The following KCNQ1OT1 variants were observed in gnomAD, a reference collection of about 807,000 sequenced individuals.
The protein encoded by KCNQ1OT1 is KCNQ1 opposite strand/antisense transcript 1.
At chr11:2,629,948 C>G in exon 1 of KCNQ1OT1, 1 of 398,384 alleles carries the variant, frequency 2.5e-6, no homozygotes, top group Non-Finnish European at 4.4e-6. Context: ...GCTAGGACTT[C>G]CAGTACTGTG....
At chr11:2,665,020 T>C in exon 1 of KCNQ1OT1, 1 of 396,992 alleles carries the variant, frequency 2.5e-6, no homozygotes, top group Non-Finnish European at 4.4e-6. Context: ...TAGCCAGAGG[T>C]GGGGTGGGGG....
At chr11:2,672,355 G>A (rs78152201) in exon 1 of KCNQ1OT1, 4,700 of 398,608 alleles carry the variant, frequency 0.012, 180 homozygotes, top group African/African-American at 0.088. Flanking sequence ...AGTGTGGTGG[G>A]GCAGCCTTCA....
chr11:2,651,286 A>G lies in KCNQ1OT1; in HGVS notation n.48709T>C, dbSNP rs1473094807. 2.5e-6 allele frequency: 1 copy of G among 398,692 alleles called. No individual in the cohort carries two copies. The highest frequency in any genetic ancestry group is 4.4e-6 in the Non-Finnish European group (1 of 226,108). 24.7% of individuals were successfully genotyped at this position (398,692 alleles called of 1,614,324 possible). A position where few individuals can be genotyped will look rare whatever the true frequency, so the allele number is the denominator to read the frequency against. ...TGGTCACTTATTGAGAAAGAGCTTC[A>G]TGGTGGGCAGCTGGGAAGCTGCACA... On this transcript the variant is annotated non_coding_transcript_exon_variant, in exon 1 of 1. Coordinates refer to ENST00000597346, the Ensembl canonical transcript of KCNQ1OT1. This position sits in a 1 kb window ranked among gnomAD's most constrained non-coding sequence, Gnocchi z 6.1.
At position 2,626,432 on chromosome 11, in the gene KCNQ1OT1, CA is replaced by C. The variant is rs1401798031; in HGVS notation, n.73562del. On this transcript the variant is annotated non_coding_transcript_exon_variant, in exon 1 of 1. Coordinates refer to ENST00000597346, the Ensembl canonical transcript of KCNQ1OT1. The surrounding 1 kb of genome is among the most constrained non-coding windows in gnomAD (Gnocchi z 4.0). Reference sequence around the variant, plus strand: ...CTCAGGAATCATTTGATCATGTATACAAGGGTTTATTTTTGGGCTCTCTATT... The same window carrying C: ...CTCAGGAATCATTTGATCATGTATACAGGGTTTATTTTTGGGCTCTCTATT... 2.5e-6 allele frequency: 1 copy of C among 398,480 alleles called. No homozygotes were observed. The highest frequency in any genetic ancestry group is 2.1e-5 in the African/African-American group (1 of 48,618). The allele number at this position is 398,480 out of a possible 1,614,324, so 24.7% of individuals were successfully genotyped here.
chr11:2,655,323 A>G, exon 1 of KCNQ1OT1: 1 of 398,592 alleles, frequency 2.5e-6, no homozygotes, highest in East Asian at 3.6e-5. Flanking sequence ...GGCCTTGACA[A>G]AGCAAAGGCA....
At chr11:2,640,264 T>C (rs1849552630) in exon 1 of KCNQ1OT1, 2 of 397,444 alleles carry the variant, frequency 5.0e-6, no homozygotes, top group East Asian at 3.6e-5. Context: ...ACTACCTCAG[T>C]TGGAAATGCA....
In KCNQ1OT1 at chr11:2,664,673, G is replaced by A; in HGVS notation, n.35322C>T. On this transcript the variant is annotated non_coding_transcript_exon_variant, in exon 1 of 1. Coordinates refer to ENST00000597346, the Ensembl canonical transcript of KCNQ1OT1. The surrounding 1 kb of genome is among the most constrained non-coding windows in gnomAD (Gnocchi z 5.1). The stretch of plus-strand genomic sequence containing the variant: ...CTCAGGGATGCAGCGAAGCTCCTGT[G>A]GGCAGCCTGGCCCCATGGACCCTGA... 2.5e-6 allele frequency: 1 copy of A among 398,800 alleles called. No homozygotes were observed. The highest frequency in any genetic ancestry group is 4.4e-6 in the Non-Finnish European group (1 of 226,228). The allele number at this position is 398,800 out of a possible 1,614,324, so 24.7% of individuals were successfully genotyped here.
exon 1 of KCNQ1OT1, chr11:2,614,437 C>CT (rs1440133353): frequency 2.5e-6 from 1 of 398,210 alleles, no homozygotes; most frequent in Non-Finnish European, 4.4e-6. Context: ...TTTTTTGTGT[C>CT]TTTTCTAAGA....
In KCNQ1OT1 at chr11:2,624,599, C is replaced by A. The variant is rs1376438399; in HGVS notation, n.75396G>T. Reference sequence around the variant, plus strand: ...AAAATACACTTAACATAAAAATTACCATCCTAACCAATTTTAGTGTACAAT... The same window carrying A: ...AAAATACACTTAACATAAAAATTACAATCCTAACCAATTTTAGTGTACAAT... On this transcript the variant is annotated non_coding_transcript_exon_variant, in exon 1 of 1. Coordinates refer to ENST00000597346, the Ensembl canonical transcript of KCNQ1OT1. The surrounding 1 kb of genome is among the most constrained non-coding windows in gnomAD (Gnocchi z 4.9). 1 of 398,186 alleles carries A rather than the reference C, an allele frequency of 2.5e-6. No individual in the cohort carries two copies. Among genetic ancestry groups the A allele is most frequent in the Non-Finnish European group, 4.4e-6 (1 of 226,012 alleles). 24.7% of individuals were successfully genotyped at this position (398,186 alleles called of 1,614,324 possible). A position where few individuals can be genotyped will look rare whatever the true frequency, so the allele number is the denominator to read the frequency against.
At chr11:2,675,589 A>G (rs1483046145) in exon 1 of KCNQ1OT1, 3 of 398,502 alleles carry the variant, frequency 7.5e-6, no homozygotes, top group African/African-American at 6.2e-5. Flanking sequence ...TTCCTAGGAG[A>G]TCCCAATTGC....
At position 2,627,104 on chromosome 11, in the gene KCNQ1OT1, T is replaced by G; in HGVS notation, n.72891A>C. ...CTACTTTAATTTCTTTCAGCATTGTTTTGTAATTTTCATTGTACAAGACTT... is the reference window on the plus strand; with the variant it reads ...CTACTTTAATTTCTTTCAGCATTGTGTTGTAATTTTCATTGTACAAGACTT... On this transcript the variant is annotated non_coding_transcript_exon_variant, in exon 1 of 1. Coordinates refer to ENST00000597346, the Ensembl canonical transcript of KCNQ1OT1. This position sits in a 1 kb window ranked among gnomAD's most constrained non-coding sequence, Gnocchi z 4.9. The G allele has an allele frequency of 2.5e-6, 1 of 398,584 alleles. No homozygotes were observed. Among genetic ancestry groups the G allele is most frequent in the Non-Finnish European group, 4.4e-6 (1 of 226,050 alleles). The allele number at this position is 398,584 out of a possible 1,614,324, so 24.7% of individuals were successfully genotyped here.
chr11:2,631,770 C>T (rs1849356403), exon 1 of KCNQ1OT1: 1 of 398,590 alleles, frequency 2.5e-6, no homozygotes, highest in Non-Finnish European at 4.4e-6. Flanking sequence ...CAGCTGAGGT[C>T]AGCAGTGGCA....
At position 2,664,402 on chromosome 11, in the gene KCNQ1OT1, G is replaced by A. The variant is rs1300948764; in HGVS notation, n.35593C>T. ...TCCCTCCAGAGAGGCCTGAAGGGGA[G>A]AGTGGGCACGTACAGTGTCAGGGCC... is the stretch of plus-strand genomic sequence containing the variant. On this transcript the variant is annotated non_coding_transcript_exon_variant, in exon 1 of 1. Transcript: ENST00000597346. The surrounding 1 kb of genome is among the most constrained non-coding windows in gnomAD (Gnocchi z 5.1). The A allele has an allele frequency of 1.0e-5, 4 of 398,762 alleles. No homozygotes were observed. Among genetic ancestry groups the A allele is most frequent in the Non-Finnish European group, 1.8e-5 (4 of 226,154 alleles). The allele number at this position is 398,762 out of a possible 1,614,324, so 24.7% of individuals were successfully genotyped here. A position where few individuals can be genotyped will look rare whatever the true frequency, so the allele number is the denominator to read the frequency against.
exon 1 of KCNQ1OT1, chr11:2,699,325 C>T (rs929406776): frequency 1.5e-5 from 6 of 399,232 alleles, no homozygotes; most frequent in Admixed American, 8.8e-5. Context: ...GCACACAGCT[C>T]ACCTCAGCAA....
At chr11:2,622,457 G>T (rs1485481052) in exon 1 of KCNQ1OT1, 1 of 398,246 alleles carries the variant, frequency 2.5e-6, no homozygotes, top group Non-Finnish European at 4.4e-6. Flanking sequence ...AAGTGAGTTT[G>T]TTATATACAG....
exon 1 of KCNQ1OT1, chr11:2,641,816 T>C (rs1329826437): frequency 1.0e-5 from 4 of 398,334 alleles, no homozygotes; most frequent in Admixed American, 4.4e-5. Flanking sequence ...GATTTTAGTA[T>C]AGCAAGAGAT....
At chr11:2,656,302 C>T (rs1436692601) in exon 1 of KCNQ1OT1, 14 of 398,552 alleles carry the variant, frequency 3.5e-5, no homozygotes, top group Non-Finnish European at 5.7e-5. Context: ...GGGGCAGTAA[C>T]ATGCTTCTGC....
Position 2,645,675 on chromosome 11 carries a change from C to G in KCNQ1OT1, n.54320G>C. On this transcript the variant is annotated non_coding_transcript_exon_variant, in exon 1 of 1. Transcript: ENST00000597346. The surrounding 1 kb of genome is among the most constrained non-coding windows in gnomAD (Gnocchi z 5.8). ...GGAGGTAGCAGAGTATTGCCAATGG[C>G]TCATGCTTTGGCCTGGAGGGAGCAG... 5.0e-6 allele frequency: 2 copies of G among 398,760 alleles called. No individual in the cohort carries two copies. Among genetic ancestry groups the G allele is most frequent in the East Asian group, 7.1e-5 (2 of 28,064 alleles). 24.7% of individuals were successfully genotyped at this position (398,760 alleles called of 1,614,324 possible).
At position 2,673,879 on chromosome 11, in the gene KCNQ1OT1, G is replaced by C. The variant is rs1850235078; in HGVS notation, n.26116C>G. ...TATGAAGAGGGACTTCCTGAAAGCA[G>C]GCACAGGAAGGGATGGGAGCTCAGC... On this transcript the variant is annotated non_coding_transcript_exon_variant, in exon 1 of 1. Coordinates refer to ENST00000597346, the Ensembl canonical transcript of KCNQ1OT1. The surrounding 1 kb of genome is among the most constrained non-coding windows in gnomAD (Gnocchi z 4.5). 1 of 398,528 alleles carries C rather than the reference G, an allele frequency of 2.5e-6. No individual in the cohort carries two copies. Among genetic ancestry groups the C allele is most frequent in the African/African-American group, 2.1e-5 (1 of 48,580 alleles). 24.7% of individuals were successfully genotyped at this position (398,528 alleles called of 1,614,324 possible). A position where few individuals can be genotyped will look rare whatever the true frequency, so the allele number is the denominator to read the frequency against.
Sources: allele counts gnomAD v4.1 joint callset, GRCh38; gene constraint gnomAD v4.1.1; non-coding constraint Gnocchi (gnomAD v3.1); transcripts MANE v1.5; gene names NCBI Gene and HGNC (gene_info 2026-07-23, HGNC 2026-07-21).